The following PSG5 variants were observed in gnomAD, a reference collection of about 807,000 sequenced individuals.
PSG5 encodes pregnancy specific beta-1-glycoprotein 5.
A neutral mutation model predicts 37.7 loss-of-function variants in PSG5; 53 were observed. That is an observed-to-expected ratio of 1.41 (90% CI 1.13 to 1.77). The LOEUF is 1.77. Ranked by LOEUF, PSG5 falls within the 40% of genes most tolerant of loss-of-function variation. The pLI, the probability that PSG5 is intolerant of heterozygous loss-of-function variation, is 0.00. For synonymous variants in PSG5, 221 were observed against 155.4 expected (o/e 1.42, Z -3.14); for missense variants, 547 against 405.2 (o/e 1.35, Z -3.00).
intron 2 of PSG5, among the ~76,000 whole-genome samples, chr19:43,183,797 G>C (rs1485773483): frequency 1.3e-5 from 2 of 151,478 alleles, no homozygotes; most frequent in Non-Finnish European, 2.9e-5. Context: ...GCTGCAGACA[G>C]ACCTCATGTG....
intron 4 of PSG5, among the ~76,000 whole-genome samples, chr19:43,172,504 A>G (rs1476422848): frequency 5.3e-5 from 8 of 151,758 alleles, no homozygotes; most frequent in Admixed American, 2.0e-4. Context: ...GGTGGAACAA[A>G]CCAATTAAAA....
chr19:43,180,379 G>A (rs557270718), intron 2 of PSG5: 2 of 151,644 alleles, frequency 1.3e-5, no homozygotes, highest in East Asian at 3.9e-4. Flanking sequence ...TGGAATATTT[G>A]CAGTACATGT....
chr19:43,178,225 C>G (rs557827835), intron 2 of PSG5, among the ~76,000 whole-genome samples: 1 of 151,704 alleles, frequency 6.6e-6, no homozygotes, highest in African/African-American at 2.4e-5. Context: ...GATCCACTTA[C>G]CAGGGACTAT....
In PSG5 at chr19:43,168,142, G is replaced by C. The variant is rs1458612755; in HGVS notation, c.*102C>G. 3 of 442,320 alleles carry C rather than the reference G, an allele frequency of 6.8e-6. No homozygotes were observed. The allele number at this position is 442,320 out of a possible 1,614,324, so 27.4% of individuals were successfully genotyped here. A position where few individuals can be genotyped will look rare whatever the true frequency, so the allele number is the denominator to read the frequency against. On this transcript the variant is annotated 3_prime_UTR_variant, in exon 6 of 6. Transcript: ENST00000342951. ...AGTCTTTTCCATAAATCTCCTTGAAGAAAAAGCAATTTTGGACTGTAGGTG... is the reference window on the plus strand; with the variant it reads ...AGTCTTTTCCATAAATCTCCTTGAACAAAAAGCAATTTTGGACTGTAGGTG...
Position 43,171,026 on chromosome 19 carries a change from T to C in PSG5, c.965-888A>G, listed in dbSNP as rs1006625069. The C allele has an allele frequency of 9.9e-5, 15 of 151,570 alleles. 1 individual carries two copies. The highest frequency in any genetic ancestry group is 3.2e-4 in the African/African-American group (13 of 41,124). 9.4% of individuals were successfully genotyped at this position (151,570 alleles called of 1,614,324 possible). A position where few individuals can be genotyped will look rare whatever the true frequency, so the allele number is the denominator to read the frequency against. ...AAAAGGTAGGTACTGTTGAGGGGCA[T>C]TTCCTATGTGCCAGGCCCTGTGCTA... is the stretch of plus-strand genomic sequence containing the variant. On this transcript the variant is annotated intron_variant, in intron 4 of 5. Coordinates refer to ENST00000342951, the MANE Select transcript of PSG5 (RefSeq NM_002781.4).
At chr19:43,186,039 C>T (rs974269622) in intron 1 of PSG5, among the ~76,000 whole-genome samples, 2 of 150,846 alleles carry the variant, frequency 1.3e-5, no homozygotes, top group African/African-American at 4.9e-5. Flanking sequence ...TGCAGTGGTG[C>T]TATCTCGGCT....
chr19:43,184,321 A>G (rs1178646812), intron 2 of PSG5, among the ~76,000 whole-genome samples: 1 of 151,624 alleles, frequency 6.6e-6, no homozygotes, highest in Non-Finnish European at 1.5e-5. Flanking sequence ...GGCCTGCCCA[A>G]TAAGCCACAA....
intron 2 of PSG5, among the ~76,000 whole-genome samples, chr19:43,181,367 G>T (rs1328766227): frequency 6.6e-6 from 1 of 151,522 alleles, no homozygotes; most frequent in Non-Finnish European, 1.5e-5. Flanking sequence ...TTCAGTTTTG[G>T]AAGTTTCTAT....
chr19:43,181,665 A>C (rs536544496), intron 2 of PSG5, among the ~76,000 whole-genome samples: 2 of 151,700 alleles, frequency 1.3e-5, no homozygotes, highest in Non-Finnish European at 2.9e-5. Context: ...TCAACATGTT[A>C]GCCAGGATGG....
In PSG5 at chr19:43,167,966, T is replaced by C. The variant is rs75077330; in HGVS notation, c.*278A>G. 2.5e-6 allele frequency: 1 copy of C among 402,964 alleles called. No individual in the cohort carries two copies. The highest frequency in any genetic ancestry group is 4.6e-6 in the Non-Finnish European group (1 of 218,874). The allele number at this position is 402,964 out of a possible 1,614,324, so 25.0% of individuals were successfully genotyped here. On this transcript the variant is annotated 3_prime_UTR_variant, in exon 6 of 6. Transcript: ENST00000342951. ...AGAAAATTATGAAAACATTATGCTT[T>C]TGATTATTTAGTCCAATAACATGGA... is the stretch of plus-strand genomic sequence containing the variant.
rs77898922 is a variant in PSG5, at chr19:43,185,439, C to G, written c.65-292G>C. Among the ~76,000 whole-genome samples, 62 of 149,816 alleles carry G rather than the reference C, an allele frequency of 4.1e-4. 1 individual carries two copies. In the East Asian group the frequency reaches 9.0e-3, roughly 22 times the overall value. ...AGGGGTCCACACGGCACCCCCCCCCCCCCACACTGCCCTCAGGTCCTGCTC... is the reference window on the plus strand; with the variant it reads ...AGGGGTCCACACGGCACCCCCCCCCGCCCACACTGCCCTCAGGTCCTGCTC... On this transcript the variant is annotated intron_variant, in intron 1 of 5. Coordinates refer to ENST00000342951, the MANE Select transcript of PSG5 (RefSeq NM_002781.4).
intron 2 of PSG5, chr19:43,179,197 C>A: frequency 6.4e-7 from 1 of 1,550,704 alleles, no homozygotes; most frequent in Non-Finnish European, 8.8e-7. Context: ...TGTGTGGCAC[C>A]TTTGATTCCT....
At chr19:43,183,988 A>C (rs1969188393) in intron 2 of PSG5, among the ~76,000 whole-genome samples, 1 of 151,682 alleles carries the variant, frequency 6.6e-6, no homozygotes, top group African/African-American at 2.4e-5. Flanking sequence ...TGGAGGTTTC[A>C]CACAAACAGC....
intron 1 of PSG5, among the ~76,000 whole-genome samples, chr19:43,185,853 G>C (rs1232332297): frequency 4.6e-5 from 1 of 21,864 alleles, no homozygotes; most frequent in Non-Finnish European, 7.8e-5. Flanking sequence ...TCAAAATGTC[G>C]TGGCCCTCTT....
intron 2 of PSG5, chr19:43,179,175 A>T (rs772815086): frequency 6.3e-7 from 1 of 1,580,066 alleles, no homozygotes; most frequent in Non-Finnish European, 8.7e-7. Flanking sequence ...GAAAACAGAG[A>T]GAAGATTGCC....
rs554597845 is a variant in PSG5 at position 43,174,882 on chromosome 19, G to C, written c.964+333C>G. On this transcript the variant is annotated intron_variant, in intron 4 of 5. Transcript: ENST00000342951. Reference sequence around the variant, plus strand: ...ACAAGGAAACAAAGACATGGCAGAAGGGGATGTGTTGGTGACATCGAGAAG... The same window carrying C: ...ACAAGGAAACAAAGACATGGCAGAACGGGATGTGTTGGTGACATCGAGAAG... 8.4e-5 allele frequency: 99 copies of C among 1,185,560 alleles called. 5 individuals are homozygous for C. Among genetic ancestry groups the C allele is most frequent in the Non-Finnish European group, 1.1e-4 (94 of 879,214 alleles). The allele number at this position is 1,185,560 out of a possible 1,614,324, so 73.4% of individuals were successfully genotyped here.
chr19:43,179,061 G>T (rs1293634779), intron 2 of PSG5: 3 of 1,612,652 alleles, frequency 1.9e-6, no homozygotes, highest in Admixed American at 1.7e-5. Flanking sequence ...CAGGTAGCTT[G>T]TGTCTGAAGC....
chr19:43,179,210 A>G, intron 2 of PSG5: 1 of 1,520,304 alleles, frequency 6.6e-7, no homozygotes, highest in Admixed American at 1.8e-5. Context: ...TGATTCCTCC[A>G]AAGGCACTTT....
At chr19:43,171,869 G>A (rs1396607295) in intron 4 of PSG5, among the ~76,000 whole-genome samples, 5 of 150,886 alleles carry the variant, frequency 3.3e-5, no homozygotes, top group Non-Finnish European at 5.9e-5. Flanking sequence ...CATCTTGGGA[G>A]GCTGAAGAAG....
Sources: gnomAD v4.1 joint callset for allele counts (sites outside exome capture counted in the v4.1 genomes callset) on GRCh38, gnomAD v4.1.1 for gene constraint, MANE v1.5 for transcripts, NCBI Gene and HGNC (gene_info 2026-07-23, HGNC 2026-07-21) for gene names.